Variants in ARHGAP24 observed in about 807,000 individuals in gnomAD.
The protein encoded by ARHGAP24 is Rho GTPase activating protein 24.
A neutral mutation model predicts 76.4 loss-of-function variants in ARHGAP24; 50 were observed. The ratio of observed to expected loss-of-function variants is 0.65; its 90% CI spans 0.52 to 0.83. The LOEUF (loss-of-function observed/expected upper bound fraction) is 0.83, where lower values mean the gene tolerates loss of function less well. Ranked by LOEUF, ARHGAP24 falls within the 40% of genes least tolerant of loss-of-function variation. ARHGAP24 has a pLI of 0.00. For synonymous variants in ARHGAP24, 345 were observed against 323.3 expected, an observed-to-expected ratio of 1.07 and a Z score of -0.72; for missense variants, 930 against 914.2, an observed-to-expected ratio of 1.02 and a Z score of -0.22.
At chr4:85,593,227 TA>T (rs1228537927) in intron 2 of ARHGAP24, among the ~76,000 whole-genome samples, 1 of 152,210 alleles carries the variant, frequency 6.6e-6, no homozygotes, top group Non-Finnish European at 1.5e-5. Context: ...CCTTTTCATA[TA>T]ACTGTTTGCC....
intron 2 of ARHGAP24, among the ~76,000 whole-genome samples, chr4:85,625,573 A>C (rs1324658583): frequency 6.6e-6 from 1 of 152,176 alleles, no homozygotes; most frequent in South Asian, 2.1e-4. Flanking sequence ...ACAGTTCTGT[A>C]GATGTCTATT....
At chr4:85,514,816 G>A (rs111302147) in intron 1 of ARHGAP24, among the ~76,000 whole-genome samples, 1 of 29,798 alleles carries the variant, frequency 3.4e-5, no homozygotes, top group African/African-American at 1.0e-4. Flanking sequence ...ACTCTAAATT[G>A]TAAAAAAAAA....
intron 1 of ARHGAP24, among the ~76,000 whole-genome samples, chr4:85,550,423 A>G (rs898995280): frequency 5.9e-5 from 9 of 152,080 alleles, no homozygotes; most frequent in African/African-American, 1.9e-4. Context: ...TTTTGTAACA[A>G]TATCATGCTG....
At chr4:85,833,297 A>C (rs887768518) in intron 3 of ARHGAP24, among the ~76,000 whole-genome samples, 2 of 152,342 alleles carry the variant, frequency 1.3e-5, no homozygotes, top group Non-Finnish European at 2.9e-5. Flanking sequence ...GAACTGATTC[A>C]AAAAGCTATC....
chr4:85,534,166 TC>T (rs1725375985), intron 1 of ARHGAP24, among the ~76,000 whole-genome samples: 1 of 152,174 alleles, frequency 6.6e-6, no homozygotes, highest in Non-Finnish European at 1.5e-5. Flanking sequence ...CTGTATCTAT[TC>T]CTCTATTATC....
At chr4:85,988,054 T>C (rs565952502) in intron 8 of ARHGAP24, among the ~76,000 whole-genome samples, 4 of 151,908 alleles carry the variant, frequency 2.6e-5, no homozygotes, top group Non-Finnish European at 5.9e-5. Context: ...TTAACCTAGA[T>C]TTCTATGTCC....
At chr4:85,505,670 A>G (rs764031768) in intron 1 of ARHGAP24, among the ~76,000 whole-genome samples, 2 of 151,978 alleles carry the variant, frequency 1.3e-5, no homozygotes, top group Non-Finnish European at 2.9e-5. Context: ...GGGTTAGGAC[A>G]TGCTCCTTCA....
intron 3 of ARHGAP24, among the ~76,000 whole-genome samples, chr4:85,887,129 G>A (rs1014273025): frequency 6.6e-6 from 1 of 152,026 alleles, no homozygotes; most frequent in African/African-American, 2.4e-5. Context: ...TGTATGAAAA[G>A]GACTAGAAGA....
At chr4:85,822,761 C>A (rs1729533600) in intron 3 of ARHGAP24, among the ~76,000 whole-genome samples, 1 of 152,176 alleles carries the variant, frequency 6.6e-6, no homozygotes, top group South Asian at 2.1e-4. Flanking sequence ...TATACCATAT[C>A]TATTCTCTTT....
chr4:85,605,397 A>T (rs1387573145), intron 2 of ARHGAP24, among the ~76,000 whole-genome samples: 1 of 152,192 alleles, frequency 6.6e-6, no homozygotes, highest in African/African-American at 2.4e-5. Flanking sequence ...AGCAATTCCA[A>T]AAAAGTGGAT....
At chr4:85,593,598 T>C (rs976643030) in intron 2 of ARHGAP24, among the ~76,000 whole-genome samples, 2 of 152,196 alleles carry the variant, frequency 1.3e-5, no homozygotes, top group African/African-American at 4.8e-5. Flanking sequence ...AGTCTTATAC[T>C]TAAATCCTAA....
chr4:85,994,692 C>G lies in ARHGAP24; in HGVS notation c.1038C>G (p.Asn346Lys), dbSNP rs1560773006. The G allele has an allele frequency of 6.2e-7, 1 of 1,614,128 alleles. No homozygotes were observed. Among genetic ancestry groups the G allele is most frequent in the South Asian group, 1.1e-5 (1 of 91,074 alleles). ...QSKPQDGVSNNNEIQKKATMG... is the reference protein window; with the variant it reads ...QSKPQDGVSNKNEIQKKATMG... ...AGCCCCAAGATGGAGTGAGCAACAA[C>G]AATGAAATTCAGAAGAAAGCCACCA... Residue 346 changes from asparagine (N) to lysine (K), a missense_variant, in exon 9 of 10, where the codon AAC (asparagine) becomes AAG (lysine). Physicochemically the swap from Asn to Lys is moderately conservative, Grantham distance 94. Transcript: ENST00000395184.
At chr4:85,864,618 T>A (rs1732092454) in intron 3 of ARHGAP24, among the ~76,000 whole-genome samples, 1 of 152,008 alleles carries the variant, frequency 6.6e-6, no homozygotes, top group Non-Finnish European at 1.5e-5. Context: ...TCAGTTTTTT[T>A]TTTTTTTAAA....
chr4:85,481,768 T>C (rs955360355), intron 1 of ARHGAP24, among the ~76,000 whole-genome samples: 3 of 152,150 alleles, frequency 2.0e-5, no homozygotes, highest in African/African-American at 7.2e-5. Context: ...AGTTTAAGAA[T>C]AGAGCCCCAG....
chr4:85,977,975 A>C (rs1017670612), intron 8 of ARHGAP24, among the ~76,000 whole-genome samples: 1 of 152,262 alleles, frequency 6.6e-6, no homozygotes, highest in African/African-American at 2.4e-5. Context: ...ACTGAAAAAA[A>C]CTACCTCACT....
At chr4:85,860,514 A>C (rs777201637) in intron 3 of ARHGAP24, among the ~76,000 whole-genome samples, 2 of 152,098 alleles carry the variant, frequency 1.3e-5, no homozygotes, top group African/African-American at 2.4e-5. Context: ...CTTTTACTGC[A>C]TGTGTCTCTG....
intron 3 of ARHGAP24, among the ~76,000 whole-genome samples, chr4:85,826,794 C>G (rs1351965468): frequency 1.3e-5 from 2 of 152,098 alleles, no homozygotes; most frequent in African/African-American, 4.8e-5. Context: ...GGTTAAATTG[C>G]TAATGAACAG....
At chr4:85,588,070 A>G (rs1727931869) in intron 2 of ARHGAP24, among the ~76,000 whole-genome samples, 2 of 152,190 alleles carry the variant, frequency 1.3e-5, no homozygotes, top group South Asian at 4.1e-4. Context: ...GGCTGAGGGG[A>G]TAACATGCAG....
At chr4:85,708,304 G>T (rs1276559458) in intron 2 of ARHGAP24, among the ~76,000 whole-genome samples, 1 of 152,094 alleles carries the variant, frequency 6.6e-6, no homozygotes, top group Non-Finnish European at 1.5e-5. Context: ...GGACTTAAAA[G>T]AAAAATGATG....
Sources: allele counts gnomAD v4.1 joint callset (sites outside exome capture counted in the v4.1 genomes callset), GRCh38; gene constraint gnomAD v4.1.1; transcripts MANE v1.5; gene names NCBI Gene and HGNC (gene_info 2026-07-23, HGNC 2026-07-21).